SCAMP3: variants seen among roughly 807,000 people sequenced by gnomAD.
SCAMP3 encodes secretory carrier-associated membrane protein 3.
Under a neutral mutation model 44.1 loss-of-function variants are expected in SCAMP3, and 30 were observed. That is an observed-to-expected ratio of 0.68 (90% CI 0.51 to 0.92). SCAMP3 has a LOEUF of 0.92. Among genes scored for constraint, SCAMP3 ranks in the 40% least tolerant of loss-of-function variants. SCAMP3 has a pLI of 0.00. For missense variants in SCAMP3, 394 were observed against 440.0 expected (o/e 0.90, Z 0.93); for synonymous variants, 168 against 171.1 (o/e 0.98, Z 0.14).
At position 155,257,621 on chromosome 1, in the gene SCAMP3, C is replaced by G. The variant is rs1428386057; in HGVS notation, c.554G>C (p.Cys185Ser). Residue 185 changes from cysteine (C) to serine (S), a missense_variant, in exon 6 of 9, where the codon TGC becomes TCC. Cys to Ser is a moderately radical substitution (Grantham distance 112). Transcript: ENST00000302631. The part of the protein sequence containing the change: ...TLALLLNFLA[C>S]LASFCVETNN... ...GGTTTCCACACAGAAGCTGGCCAGG[C>G]AGGCGAGGAAGTTCAGGAGAAGAGC... is the stretch of plus-strand genomic sequence containing the variant. 6.4e-7 allele frequency: 1 copy of G among 1,574,112 alleles called. No individual in the cohort carries two copies. The highest frequency in any genetic ancestry group is 2.3e-5 in the East Asian group (1 of 42,954).
rs548327448 is a variant in SCAMP3 at position 155,258,697 on chromosome 1, G to A, written c.517+129C>T. ...TATGGACAATAAAAAGTGGGGAGAG[G>A]GCAAGAACATTTGCTAGCAGGCTGG... On this transcript the variant is annotated intron_variant, in intron 5 of 8. Coordinates refer to ENST00000302631, the MANE Select transcript of SCAMP3 (RefSeq NM_005698.4). The A allele has an allele frequency of 1.3e-4, 104 of 826,166 alleles. No homozygotes were observed. The South Asian group carries it at 1.7e-3, about 13-fold the overall frequency. The allele number at this position is 826,166 out of a possible 1,614,324, so 51.2% of individuals were successfully genotyped here.
At chr1:155,257,761 GA>G (rs1672845392) in intron 5 of SCAMP3, 104 bp from the exon 6 acceptor site, 2 of 1,122,046 alleles carry the variant, frequency 1.8e-6, no homozygotes, top group Non-Finnish European at 2.6e-6. Flanking sequence ...GCAGAGTAAG[GA>G]AATGAAGGCA....
Position 155,262,251 on chromosome 1 carries a change from C to T in SCAMP3, c.-100G>A, listed in dbSNP as rs1407076199. 19 of 1,069,968 alleles carry T rather than the reference C, an allele frequency of 1.8e-5. No homozygotes were observed. Among genetic ancestry groups the T allele is most frequent in the Admixed American group, 1.1e-4 (5 of 44,660 alleles). 66.3% of individuals were successfully genotyped at this position (1,069,968 alleles called of 1,614,324 possible). ...AGAGTCCACTTCACTCGCCTCAGTT[C>T]GCCCCGCTTCTCTGTGCACGGATTG... On this transcript the variant is annotated 5_prime_UTR_variant, in exon 1 of 9. Transcript: ENST00000302631.
intron 4 of SCAMP3, 113 bp from the exon 5 acceptor site, chr1:155,259,067 T>G: frequency 1.1e-6 from 1 of 890,502 alleles, no homozygotes; most frequent in East Asian, 2.9e-5. Flanking sequence ...TTTTTTTTTT[T>G]TGAGATAGGG....
rs749889445 is a variant in SCAMP3, at chr1:155,262,186, C to G, written c.-35G>C. 48 of 1,600,620 alleles carry G rather than the reference C, an allele frequency of 3.0e-5. No individual in the cohort carries two copies. Among genetic ancestry groups the G allele is most frequent in the Non-Finnish European group, 3.9e-5 (46 of 1,171,852 alleles). On this transcript the variant is annotated 5_prime_UTR_variant, in exon 1 of 9. Transcript: ENST00000302631. Reference sequence around the variant, plus strand: ...TGCGGCCTCCGCGGCCCTCTGCCCTCCACGCCCCTGCCGCAGCAGTGGCGG... The same window carrying G: ...TGCGGCCTCCGCGGCCCTCTGCCCTGCACGCCCCTGCCGCAGCAGTGGCGG...
At chr1:155,259,431 G>A (rs9729564) in intron 4 of SCAMP3, among the ~76,000 whole-genome samples, 58,056 of 152,032 alleles carry the variant, frequency 0.38, 13,263 homozygotes, top group East Asian at 0.7. Context: ...TGGCCTCCCA[G>A]AGTGCTGGGA....
At position 155,260,642 on chromosome 1, in the gene SCAMP3, C is replaced by T. The variant is rs773667733; in HGVS notation, c.162G>A (p.Glu54=). 8.1e-6 allele frequency: 13 copies of T among 1,611,764 alleles called. No homozygotes were observed. The highest frequency in any genetic ancestry group is 1.7e-4 in the Middle Eastern group (1 of 6,056). ...FETREPPPAY[E]PPAPAPLPPP... is the part of the protein sequence containing the mutation. Reference sequence around the variant, plus strand: ...GAGGCAATGGGGCAGGGGCTGGAGGCTCATAGGCTGGTGGTGGCTGTTGAG... The same window carrying T: ...GAGGCAATGGGGCAGGGGCTGGAGGTTCATAGGCTGGTGGTGGCTGTTGAG... Residue 54 remains glutamate, a synonymous_variant, in exon 3 of 9, where the codon GAG becomes GAA. Transcript: ENST00000302631.
rs563500300 is a variant in SCAMP3, at chr1:155,256,724, C to A, written c.847G>T (p.Ala283Ser). ...TAVSVLMLLV[A>S]LLFTGIAVLG... ...ACAGCAATGCCAGTGAAGAGCAGGG[C>A]GACCAGCAGCATGAGCACGGATACT... Residue 283 changes from alanine to serine, a missense_variant, in exon 8 of 9, where the codon GCC becomes TCC. Coordinates refer to ENST00000302631, the MANE Select transcript of SCAMP3 (RefSeq NM_005698.4). The A allele has an allele frequency of 2.5e-6, 4 of 1,614,188 alleles. No homozygotes were observed. The Admixed American group carries it at 6.7e-5, about 27-fold the overall frequency.
rs1672936768 is a variant in SCAMP3, at chr1:155,260,671, A to C, written c.145-12T>G. 6.3e-7 allele frequency: 1 copy of C among 1,599,584 alleles called. No individual in the cohort carries two copies. The highest frequency in any genetic ancestry group is 8.5e-7 in the Non-Finnish European group (1 of 1,173,342). On this transcript the variant is annotated splice_polypyrimidine_tract_variant and intron_variant, in intron 2 of 8. Transcript: ENST00000302631. ...TAGGCTGGTGGTGGCTGTTGAGGAA[A>C]AGACCTTAGTGATCATCTAGTCCCT...
chr1:155,260,449 G>T lies in SCAMP3; in HGVS notation c.269C>A (p.Ala90Asp). The change falls in exon 4 of 9, where the codon GCC becomes GAC. Residue 90 changes from alanine to aspartate, a missense_variant and splice_region_variant. Ala to Asp is a moderately radical substitution (Grantham distance 126). Coordinates refer to ENST00000302631, the MANE Select transcript of SCAMP3 (RefSeq NM_005698.4). ...CTCAGCTGTGGCTGCTGCAGCTGAG[G>T]CCTGCCCAGTGTGAGCAGACGGAGA... ...PKNYGSYSTQ[A>D]SAAAATAELL... The T allele has an allele frequency of 6.2e-7, 1 of 1,614,132 alleles. No homozygotes were observed. Among genetic ancestry groups the T allele is most frequent in the East Asian group, 2.2e-5 (1 of 44,884 alleles).
rs1672927644 is a variant in SCAMP3 at position 155,260,370 on chromosome 1, C to T, written c.348G>A (p.Arg116=). Reference sequence around the variant, plus strand: ...GGGCAGCATGCTGCAGCTCTCGCTCCCTTCGGTCCAACTCCTCTGCCTTCC... The same window carrying T: ...GGGCAGCATGCTGCAGCTCTCGCTCTCTTCGGTCCAACTCCTCTGCCTTCC... The part of the protein sequence containing the change: ...LNRKAEELDR[R]ERELQHAALG... Residue 116 remains arginine (R), a synonymous_variant, in exon 4 of 9, where the codon AGG becomes AGA. Coordinates refer to ENST00000302631, the MANE Select transcript of SCAMP3 (RefSeq NM_005698.4). 1 of 1,613,632 alleles carries T rather than the reference C, an allele frequency of 6.2e-7. No homozygotes were observed. Among genetic ancestry groups the T allele is most frequent in the Non-Finnish European group, 8.5e-7 (1 of 1,180,006 alleles).
Position 155,261,657 on chromosome 1 carries a change from C to G in SCAMP3, c.144G>C (p.Glu48Asp). The stretch of plus-strand genomic sequence containing the variant: ...ACTCCTATGCTCTCCAGTAGCTCAC[C>G]TCCCGGGTCTCAAAAGGGTTGTAGA... Reference protein sequence around the residue: ...LDVYNPFETREPPPAYEPPAP... With the variant: ...LDVYNPFETRDPPPAYEPPAP... The change falls in exon 2 of 9, where the codon GAG becomes GAC. Residue 48 changes from glutamate to aspartate, a missense_variant and splice_region_variant. Coordinates refer to ENST00000302631, the MANE Select transcript of SCAMP3 (RefSeq NM_005698.4). The G allele has an allele frequency of 6.2e-7, 1 of 1,613,832 alleles. No homozygotes were observed. The highest frequency in any genetic ancestry group is 8.5e-7 in the Non-Finnish European group (1 of 1,179,770).
chr1:155,258,666 C>T, intron 5 of SCAMP3, 160 bp downstream of exon 5: 1 of 664,908 alleles, frequency 1.5e-6, no homozygotes, highest in Non-Finnish European at 2.6e-6. Flanking sequence ...AAAATATATT[C>T]CTGCATATGG....
intron 2 of SCAMP3, chr1:155,261,244 G>T: frequency 5.5e-6 from 1 of 181,904 alleles, no homozygotes; most frequent in Admixed American, 5.4e-5. Flanking sequence ...TAAGTTTTAA[G>T]TACCATGAAA....
rs983231318 is a variant in SCAMP3, at chr1:155,257,338, G to C, written c.726C>G (p.Val242=). ...CCTGGAGGACAAAGAGCACATCCTG[G>C]ACGAAGAAAATGAAGAAGAAAACGA... ...NFFVFFFIFF[V]QDVLFVLQAI... Residue 242 remains valine, a synonymous_variant, in exon 7 of 9, where the codon GTC becomes GTG. Coordinates refer to ENST00000302631, the MANE Select transcript of SCAMP3 (RefSeq NM_005698.4). The C allele has an allele frequency of 1.9e-6, 3 of 1,613,958 alleles. No individual in the cohort carries two copies. Among genetic ancestry groups the C allele is most frequent in the Non-Finnish European group, 1.7e-6 (2 of 1,179,984 alleles).
Position 155,260,338 on chromosome 1 carries a change from C to G in SCAMP3, c.380G>C (p.Gly127Ala), listed in dbSNP as rs754776891. The G allele has an allele frequency of 1.9e-6, 3 of 1,611,616 alleles. No homozygotes were observed. In the East Asian group the frequency reaches 6.7e-5, roughly 36 times the overall value. The part of the protein sequence containing the change: ...ERELQHAALG[G>A]TATRQNNWPP... ...CCCACTCTATTACTTACTAGCTGTG[C>G]CCCCCAGGGCAGCATGCTGCAGCTC... The change falls in exon 4 of 9, where the codon GGC (glycine) becomes GCC (alanine). Residue 127 changes from glycine to alanine, a missense_variant. Coordinates refer to ENST00000302631, the MANE Select transcript of SCAMP3 (RefSeq NM_005698.4).
intron 2 of SCAMP3, chr1:155,261,344 C>G (rs1470225923): frequency 1.3e-5 from 5 of 377,934 alleles, no homozygotes; most frequent in Admixed American, 7.6e-5. Flanking sequence ...AACTGCACAC[C>G]TAACCTAAAC....
Position 155,260,323 on chromosome 1 carries a change from T to G in SCAMP3, c.388+7A>C, listed in dbSNP as rs550482468. ...TCTCAGATGCTCTTCCCCACTCTAT[T>G]ACTTACTAGCTGTGCCCCCCAGGGC... is the stretch of plus-strand genomic sequence containing the variant. On this transcript the variant is annotated splice_region_variant and intron_variant, in intron 4 of 8. Coordinates refer to ENST00000302631, the MANE Select transcript of SCAMP3 (RefSeq NM_005698.4). 6.2e-7 allele frequency: 1 copy of G among 1,610,122 alleles called. No individual in the cohort carries two copies. Among genetic ancestry groups the G allele is most frequent in the Non-Finnish European group, 8.5e-7 (1 of 1,179,984 alleles).
chr1:155,257,868 G>A (rs1209676746), intron 5 of SCAMP3, among the ~76,000 whole-genome samples: 4 of 151,960 alleles, frequency 2.6e-5, no homozygotes, highest in Admixed American at 6.6e-5. Flanking sequence ...TTTTTGAGAC[G>A]GAGTCTGGCT....
Sources: gnomAD v4.1 joint callset for allele counts (sites outside exome capture counted in the v4.1 genomes callset) on GRCh38, gnomAD v4.1.1 for gene constraint, MANE v1.5 for transcripts, NCBI Gene and HGNC (gene_info 2026-07-23, HGNC 2026-07-21) for gene names.